PDE7B: variants seen among roughly 807,000 people sequenced by gnomAD.
PDE7B encodes 3',5'-cyclic-AMP phosphodiesterase 7B.
Under a neutral mutation model 56.2 loss-of-function variants are expected in PDE7B, and 29 were observed. That is an observed-to-expected ratio of 0.52 (90% confidence interval 0.38 to 0.70). PDE7B has a LOEUF of 0.70. Among genes scored for constraint, PDE7B ranks in the 30% least tolerant of loss-of-function variants. The pLI is 0.00. For synonymous variants in PDE7B, 197 were observed against 196.9 expected (o/e 1.00, Z 0.00); for missense variants, 490 against 565.0 (o/e 0.87, Z 1.35).
intron 2 of PDE7B, among the ~76,000 whole-genome samples, chr6:136,097,761 C>G (rs1484728236): frequency 6.6e-6 from 1 of 152,018 alleles, no homozygotes; most frequent in Non-Finnish European, 1.5e-5. Flanking sequence ...ACTTCTCCAG[C>G]CTCATTTTGC....
intron 1 of PDE7B, among the ~76,000 whole-genome samples, chr6:135,905,335 C>T (rs1480417381): frequency 4.9e-5 from 6 of 122,444 alleles, no homozygotes; most frequent in Middle Eastern, 4.0e-3. Context: ...TACATACATG[C>T]GTGTGTGTGT....
intron 1 of PDE7B, among the ~76,000 whole-genome samples, chr6:135,944,344 C>T (rs1453348551): frequency 6.6e-6 from 1 of 152,050 alleles, no homozygotes; most frequent in African/African-American, 2.4e-5. Flanking sequence ...AAGCAGGAGC[C>T]TGGCAGCGAA....
At chr6:136,004,226 A>G (rs539360776) in intron 2 of PDE7B, among the ~76,000 whole-genome samples, 2,025 of 152,332 alleles carry the variant, frequency 0.013, 54 homozygotes, top group African/African-American at 0.045. Context: ...GCTATCTATG[A>G]CAAACCCACA....
intron 2 of PDE7B, among the ~76,000 whole-genome samples, chr6:136,007,484 A>T (rs1235607203): frequency 6.6e-6 from 1 of 152,044 alleles, no homozygotes; most frequent in East Asian, 1.9e-4. Context: ...TTGGTATAAC[A>T]TACAGGAAGG....
At chr6:136,156,162 AGTGTGTGTGTGTGTGTGT>A (rs10625572) in intron 8 of PDE7B, 10 of 251,988 alleles carry the variant, frequency 4.0e-5, no homozygotes, top group African/African-American at 7.7e-5. Flanking sequence ...GAATGATCCA[AGTGTGTGTGTGTGTGTGT>A]GTGTGTGTGT....
At chr6:135,964,633 T>C (rs1294884957) in intron 2 of PDE7B, among the ~76,000 whole-genome samples, 1 of 152,204 alleles carries the variant, frequency 6.6e-6, no homozygotes, top group East Asian at 1.9e-4. Context: ...ATCTAGAGCG[T>C]ATATAATATT....
intron 1 of PDE7B, among the ~76,000 whole-genome samples, chr6:135,926,651 G>A (rs1010484142): frequency 1.3e-5 from 2 of 152,050 alleles, no homozygotes; most frequent in African/African-American, 4.8e-5. Context: ...ACCTCCTTCA[G>A]GAGAGAAGAG....
At chr6:136,061,679 C>T (rs1218698650) in intron 2 of PDE7B, among the ~76,000 whole-genome samples, 5 of 152,190 alleles carry the variant, frequency 3.3e-5, no homozygotes, top group Non-Finnish European at 2.9e-5. Flanking sequence ...CAAACCCATT[C>T]GTCAAGTACT....
chr6:136,188,499 CGT>C (rs1215013141), intron 12 of PDE7B, among the ~76,000 whole-genome samples: 10 of 152,118 alleles, frequency 6.6e-5, no homozygotes, highest in Non-Finnish European at 1.5e-4. Context: ...GTTCTGCAGA[CGT>C]GATTCAAAAT....
At chr6:136,142,087 C>A (rs913448169) in intron 3 of PDE7B, among the ~76,000 whole-genome samples, 2 of 152,124 alleles carry the variant, frequency 1.3e-5, no homozygotes, top group African/African-American at 4.8e-5. Flanking sequence ...CTCTTGTGGG[C>A]ATTTAGTGCT....
chr6:136,030,806 T>C (rs537687529), intron 2 of PDE7B, among the ~76,000 whole-genome samples: 1 of 152,194 alleles, frequency 6.6e-6, no homozygotes, highest in Non-Finnish European at 1.5e-5. Flanking sequence ...TGCAACAAAA[T>C]GCTGGAAAGA....
chr6:136,068,423 C>CTTT (rs33992191), intron 2 of PDE7B, among the ~76,000 whole-genome samples: 33 of 79,534 alleles, frequency 4.1e-4, no homozygotes, highest in Middle Eastern at 7.8e-3. Flanking sequence ...ACCAAGATTC[C>CTTT]TTTTTTTTTT....
chr6:136,055,088 C>G (rs1196106049), intron 2 of PDE7B, among the ~76,000 whole-genome samples: 1 of 152,156 alleles, frequency 6.6e-6, no homozygotes, highest in Non-Finnish European at 1.5e-5. Context: ...TGGCTCATCT[C>G]TACATATGTG....
intron 1 of PDE7B, among the ~76,000 whole-genome samples, chr6:135,875,793 C>T (rs1253763406): frequency 2.6e-5 from 4 of 152,116 alleles, no homozygotes; most frequent in African/African-American, 9.7e-5. Flanking sequence ...TCTAGGTTTT[C>T]GTTATTTTTT....
At chr6:135,993,907 C>T (rs900465091) in intron 2 of PDE7B, among the ~76,000 whole-genome samples, 16 of 152,114 alleles carry the variant, frequency 1.1e-4, no homozygotes, top group Admixed American at 2.0e-4. Context: ...AAACTCGGGT[C>T]TATCCAAAGA....
chr6:136,142,347 C>T (rs1363227631), intron 3 of PDE7B, among the ~76,000 whole-genome samples: 3 of 152,168 alleles, frequency 2.0e-5, no homozygotes, highest in Non-Finnish European at 4.4e-5. Context: ...TGTTCTTTTA[C>T]ATTTGCTGAG....
intron 1 of PDE7B, among the ~76,000 whole-genome samples, chr6:135,892,662 A>G (rs1237956674): frequency 2.0e-5 from 3 of 152,198 alleles, no homozygotes; most frequent in Non-Finnish European, 4.4e-5. Context: ...ACTGGAAATA[A>G]GAAAGAATGC....
intron 2 of PDE7B, among the ~76,000 whole-genome samples, chr6:135,965,250 A>G (rs1774976373): frequency 6.6e-6 from 1 of 152,232 alleles, no homozygotes; most frequent in Non-Finnish European, 1.5e-5. Flanking sequence ...TAACAGTGGT[A>G]GAGGCGGAGG....
chr6:136,067,812 G>A (rs1486368569), intron 2 of PDE7B, among the ~76,000 whole-genome samples: 2 of 152,128 alleles, frequency 1.3e-5, no homozygotes, highest in African/African-American at 4.8e-5. Flanking sequence ...ATTGGAGTTT[G>A]CATAATCTAC....
Sources: gnomAD v4.1 joint callset for allele counts (sites outside exome capture counted in the v4.1 genomes callset) on GRCh38, gnomAD v4.1.1 for gene constraint, MANE v1.5 for transcripts, NCBI Gene and HGNC (gene_info 2026-07-23, HGNC 2026-07-21) for gene names.